The following DPP10 variants were observed in gnomAD, a reference collection of about 807,000 sequenced individuals.
The protein encoded by DPP10 is dipeptidyl peptidase like 10.
A neutral mutation model predicts 120.9 loss-of-function variants in DPP10; 33 were observed. That is an observed-to-expected ratio of 0.27 (90% confidence interval 0.21 to 0.37). The LOEUF (loss-of-function observed/expected upper bound fraction) is 0.37. DPP10 is among the 10% of genes least tolerant of loss of function. The pLI is 1.00. For synonymous variants in DPP10, 337 were observed against 326.1 expected (o/e 1.03, Z -0.36); for missense variants, 816 against 942.8 (o/e 0.87, Z 1.76).
chr2:115,579,497 C>A (rs994629030), intron 5 of DPP10: 1 of 152,164 alleles, frequency 6.6e-6, no homozygotes, highest in Non-Finnish European at 1.5e-5. Context: ...AATGATGTAG[C>A]AGAAGGAAAG....
intron 3 of DPP10, among the ~76,000 whole-genome samples, chr2:115,449,156 A>G (rs1392508180): frequency 2.0e-5 from 3 of 152,166 alleles, no homozygotes; most frequent in African/African-American, 7.2e-5. Flanking sequence ...ACGCAAAAAA[A>G]TTGTACATTT....
At chr2:114,818,541 A>G (rs751112243) in intron 1 of DPP10, among the ~76,000 whole-genome samples, 4 of 152,178 alleles carry the variant, frequency 2.6e-5, no homozygotes, top group Non-Finnish European at 4.4e-5. Context: ...AACTTTTAAT[A>G]CCAAAGTATT....
rs2063364793 is a variant in DPP10, at chr2:115,339,987, C to CA, written c.176-3829dup. Reference sequence around the variant, plus strand: ...TAAGGTTGATGGAGTATATCAATGTCAGTTTCTTTTCGTGATATTATTATG... The same window carrying CA: ...TAAGGTTGATGGAGTATATCAATGTCAAGTTTCTTTTCGTGATATTATTATG... On this transcript the variant is annotated intron_variant, in intron 2 of 25. Transcript: ENST00000410059. Among the ~76,000 whole-genome samples the CA allele has an allele frequency of 2.6e-5, 4 of 152,150 alleles. No individual in the cohort carries two copies. The South Asian group carries it at 8.3e-4, about 32-fold the overall frequency.
intron 1 of DPP10, among the ~76,000 whole-genome samples, chr2:115,218,899 G>A (rs1334369689): frequency 6.6e-6 from 1 of 151,950 alleles, no homozygotes; most frequent in African/African-American, 2.4e-5. Context: ...TACTAAGAGG[G>A]ACCAATATCA....
At chr2:115,188,061 A>AAGAG (rs59672278) in intron 1 of DPP10, among the ~76,000 whole-genome samples, 30,477 of 146,872 alleles carry the variant, frequency 0.21, 3,419 homozygotes, top group East Asian at 0.37. Context: ...GAGAGAGGCA[A>AAGAG]AGAGAGAGAG....
At chr2:115,118,627 G>A (rs2049654229) in intron 1 of DPP10, among the ~76,000 whole-genome samples, 1 of 152,056 alleles carries the variant, frequency 6.6e-6, no homozygotes, top group African/African-American at 2.4e-5. Context: ...ACTCAGGCTG[G>A]AGTGCAGTAG....
At chr2:114,817,916 A>G (rs1394891558) in intron 1 of DPP10, among the ~76,000 whole-genome samples, 5 of 152,210 alleles carry the variant, frequency 3.3e-5, no homozygotes, top group African/African-American at 1.2e-4. Context: ...GTAGGCTAGA[A>G]GAGTTCTAGG....
chr2:115,384,448 A>AGAAGAAGAAGGAAGAAGAAG (rs1306700747), intron 3 of DPP10, among the ~76,000 whole-genome samples: 2 of 125,092 alleles, frequency 1.6e-5, no homozygotes, highest in African/African-American at 5.8e-5. Context: ...AAGAGGAGGA[A>AGAAGAAGAAGGAAGAAGAAG]GAAGAAGAAG....
At chr2:114,814,159 T>G (rs1471506038) in intron 1 of DPP10, among the ~76,000 whole-genome samples, 1 of 152,218 alleles carries the variant, frequency 6.6e-6, no homozygotes, top group African/African-American at 2.4e-5. Flanking sequence ...ATTACAGTAT[T>G]TAACAAAGCA....
intron 1 of DPP10, among the ~76,000 whole-genome samples, chr2:114,586,144 A>T (rs1041525813): frequency 6.6e-6 from 1 of 152,128 alleles, no homozygotes; most frequent in African/African-American, 2.4e-5. Context: ...CCAGCTACTT[A>T]GTAGGCTGAG....
chr2:115,428,240 A>G (rs1177349740), intron 3 of DPP10, among the ~76,000 whole-genome samples: 1 of 152,096 alleles, frequency 6.6e-6, no homozygotes, highest in Non-Finnish European at 1.5e-5. Context: ...TGAACCCTCC[A>G]CACTGTTCCA....
chr2:115,341,743 A>T (rs2063457327), intron 2 of DPP10, among the ~76,000 whole-genome samples: 1 of 151,628 alleles, frequency 6.6e-6, no homozygotes, highest in Non-Finnish European at 1.5e-5. Context: ...CATAATATGC[A>T]TTTAAGTTTC....
intron 3 of DPP10, among the ~76,000 whole-genome samples, chr2:115,475,274 A>G (rs2075002793): frequency 6.6e-6 from 1 of 152,154 alleles, no homozygotes; most frequent in Non-Finnish European, 1.5e-5. Flanking sequence ...TCACTTCACC[A>G]CTAGCCATGG....
intron 1 of DPP10, among the ~76,000 whole-genome samples, chr2:115,031,078 AT>A (rs1249596228): frequency 6.6e-6 from 1 of 152,066 alleles, no homozygotes; most frequent in African/African-American, 2.4e-5. Flanking sequence ...CTTCTCAGAC[AT>A]TTTTTTCTTG....
intron 1 of DPP10, among the ~76,000 whole-genome samples, chr2:114,599,173 A>G (rs956262726): frequency 2.0e-5 from 3 of 152,020 alleles, no homozygotes; most frequent in Admixed American, 1.3e-4. Flanking sequence ...TGTTATCAAG[A>G]AAAACGAGGA....
chr2:115,333,986 G>A (rs1370131573), intron 2 of DPP10, among the ~76,000 whole-genome samples: 1 of 151,786 alleles, frequency 6.6e-6, no homozygotes, highest in Non-Finnish European at 1.5e-5. Context: ...AAGAAATATG[G>A]GACTATGTGA....
intron 1 of DPP10, among the ~76,000 whole-genome samples, chr2:115,307,264 G>A (rs2061394993): frequency 6.6e-6 from 1 of 151,914 alleles, no homozygotes; most frequent in Non-Finnish European, 1.5e-5. Flanking sequence ...ACATTACATG[G>A]TTTTATCATA....
At chr2:114,876,214 T>G (rs1691145060) in intron 1 of DPP10, among the ~76,000 whole-genome samples, 1 of 152,106 alleles carries the variant, frequency 6.6e-6, no homozygotes, top group South Asian at 2.1e-4. Context: ...TATGCAATAT[T>G]GGGAGACAGA....
At chr2:115,768,148 C>A in intron 12 of DPP10, 149 bp from the exon 13 acceptor site, 3 of 620,752 alleles carry the variant, frequency 4.8e-6, no homozygotes, top group Admixed American at 3.4e-5. Flanking sequence ...TAAAAAATAG[C>A]ATACATTCAT....
Sources: gnomAD v4.1 joint callset for allele counts (sites outside exome capture counted in the v4.1 genomes callset) on GRCh38, gnomAD v4.1.1 for gene constraint, MANE v1.5 for transcripts, NCBI Gene and HGNC (gene_info 2026-07-23, HGNC 2026-07-21) for gene names.